Variants in ZNF219 observed in about 807,000 individuals in gnomAD.
ZNF219 encodes the protein zinc finger protein 219.
ZNF219 carries 17 observed loss-of-function variants against 54.4 expected under a neutral mutation model. That is an observed-to-expected ratio of 0.31 (90% CI 0.21 to 0.47). The LOEUF (loss-of-function observed/expected upper bound fraction) is 0.47, where lower values mean the gene tolerates loss of function less well. Ranked by LOEUF, ZNF219 falls within the 20% of genes least tolerant of loss-of-function variation. The pLI, the probability that ZNF219 is intolerant of heterozygous loss-of-function variation, is 1.00. For missense variants in ZNF219, 1,014 were observed against 1,062.3 expected (o/e 0.95, Z 0.63); for synonymous variants, 518 against 476.4 (o/e 1.09, Z -1.14).
At chr14:21,093,805 C>G (rs1889120834) in intron 1 of ZNF219, 131 bp from the exon 2 acceptor site, 1 of 783,502 alleles carries the variant, frequency 1.3e-6, no homozygotes. Flanking sequence ...CTTCTTGAGG[C>G]ACGAAGGGGC....
chr14:21,090,583 C>T lies in ZNF219; in HGVS notation c.2122G>A (p.Gly708Arg), dbSNP rs927564203. The part of the protein sequence containing the change: ...SPSQEGEEGS[G>R]LSRPGEAGLG... Reference sequence around the variant, plus strand: ...CCTGCCTCTCCGGGTCTGGACAGCCCGGAGCCCTCCTCCCCTTCCTGCGAA... The same window carrying T: ...CCTGCCTCTCCGGGTCTGGACAGCCTGGAGCCCTCCTCCCCTTCCTGCGAA... Residue 708 changes from glycine (G) to arginine (R), a missense_variant, in exon 5 of 5, where the codon GGG becomes AGG. Gly to Arg is a moderately radical substitution (Grantham distance 125, BLOSUM62 -2). Around this residue, in one of 5 missense-constraint regions of ZNF219, gnomAD observed 281 missense variants for 271.2 expected, o/e 1.04. Transcript: ENST00000360947. This position sits in a 1 kb window ranked among gnomAD's most constrained non-coding sequence, Gnocchi z 4.4. 1.9e-6 allele frequency: 3 copies of T among 1,609,000 alleles called. No homozygotes were observed. Among genetic ancestry groups the T allele is most frequent in the Non-Finnish European group, 1.7e-6 (2 of 1,177,394 alleles).
upstream of ZNF219, chr14:21,102,597 C>T (rs761579634): frequency 1.7e-5 from 27 of 1,550,748 alleles, no homozygotes; most frequent in Middle Eastern, 1.7e-4. Flanking sequence ...CAAACAGGTG[C>T]GGGGTCCCTG....
At position 21,098,583 on chromosome 14, in the gene ZNF219, G is replaced by C; in HGVS notation, c.-355C>G. ...GCGCGGGAGCCGGGCTCTGGCTCCG[G>C]GGACAGGGAGCTGGGGACCCCGGGA... On this transcript the variant is annotated 5_prime_UTR_variant, in exon 1 of 5. Coordinates refer to ENST00000360947, the MANE Select transcript of ZNF219 (RefSeq NM_016423.3). The C allele has an allele frequency of 1.0e-6, 1 of 997,116 alleles. No individual in the cohort carries two copies. The highest frequency in any genetic ancestry group is 1.7e-5 in the African/African-American group (1 of 57,270). The allele number at this position is 997,116 out of a possible 1,614,324, so 61.8% of individuals were successfully genotyped here.
Position 21,090,951 on chromosome 14 carries a change from G to T in ZNF219, c.1754C>A (p.Ala585Glu). 1 of 1,548,854 alleles carries T rather than the reference G, an allele frequency of 6.5e-7. No homozygotes were observed. The highest frequency in any genetic ancestry group is 1.4e-5 in the African/African-American group (1 of 73,616). Residue 585 changes from alanine (A) to glutamate (E), a missense_variant, in exon 5 of 5, where the codon GCG becomes GAG. Transcript: ENST00000360947. The surrounding 1 kb of genome is among the most constrained non-coding windows in gnomAD (Gnocchi z 4.4). The part of the protein sequence containing the change: ...QSGAKPSPQP[A>E]TWVEGASSPR... ...ACTTGAGGCGCCCTCCACCCAGGTC[G>T]CAGGCTGCGGAGACGGCTTGGCTCC...
In ZNF219 at chr14:21,090,150, G is replaced by C. The variant is rs1404578207; in HGVS notation, c.*386C>G. Reference sequence around the variant, plus strand: ...GATGACAGGAATCGTACCAAAAATAGCGACGTCTACAGGGCCCCTGATGGG... The same window carrying C: ...GATGACAGGAATCGTACCAAAAATACCGACGTCTACAGGGCCCCTGATGGG... On this transcript the variant is annotated 3_prime_UTR_variant, in exon 5 of 5. Coordinates refer to ENST00000360947, the MANE Select transcript of ZNF219 (RefSeq NM_016423.3). The surrounding 1 kb of genome is among the most constrained non-coding windows in gnomAD (Gnocchi z 4.4). The C allele has an allele frequency of 2.1e-6, 1 of 474,736 alleles. No homozygotes were observed. The highest frequency in any genetic ancestry group is 2.0e-5 in the African/African-American group (1 of 50,532). 29.4% of individuals were successfully genotyped at this position (474,736 alleles called of 1,614,324 possible).
At chr14:21,093,446 GGGGGA>G in intron 2 of ZNF219, 135 bp downstream of exon 2, 1 of 1,417,664 alleles carries the variant, frequency 7.1e-7, no homozygotes, top group Non-Finnish European at 9.7e-7. Flanking sequence ...AGATGGGGTG[GGGGGA>G]GGTGTATGGG....
chr14:21,102,676 C>T (rs1443535625), upstream of ZNF219: 2 of 1,551,584 alleles, frequency 1.3e-6, no homozygotes, highest in South Asian at 2.4e-5. Context: ...GAGGCCTTCA[C>T]CCTAGGGGGA....
upstream of ZNF219, chr14:21,101,493 T>C: frequency 6.7e-7 from 1 of 1,500,578 alleles, no homozygotes; most frequent in East Asian, 2.5e-5. Flanking sequence ...GCATGTCCAC[T>C]TCTACCCAAT....
intron 1 of ZNF219, among the ~76,000 whole-genome samples, chr14:21,098,038 TC>T (rs1176458315): frequency 5.7e-5 from 8 of 139,750 alleles, no homozygotes; most frequent in African/African-American, 1.8e-4. Context: ...CCCTTTGGTG[TC>T]TGCTCCCCCA....
upstream of ZNF219, chr14:21,098,738 T>C: frequency 8.2e-7 from 1 of 1,217,204 alleles, no homozygotes; most frequent in Non-Finnish European, 1.1e-6. Flanking sequence ...CTGGAAGAGA[T>C]TTTGAAAGGT....
Position 21,093,169 on chromosome 14 carries a change from C to A in ZNF219, c.128G>T (p.Gly43Val). 1 of 1,609,898 alleles carries A rather than the reference C, an allele frequency of 6.2e-7. No individual in the cohort carries two copies. The highest frequency in any genetic ancestry group is 1.1e-5 in the South Asian group (1 of 90,926). Residue 43 changes from glycine (G) to valine (V), a missense_variant, in exon 3 of 5, where the codon GGA becomes GTA. Physicochemically the swap from Gly to Val is moderately radical, Grantham distance 109. Coordinates refer to ENST00000360947, the MANE Select transcript of ZNF219 (RefSeq NM_016423.3). ...PAVSAGSLGM[G>V]AVSWSESRAG... ...ACGACTCTCAGACCAGCTCACCGCT[C>A]CCATCCCGAGCGACCCTGCGCTCAC... is the stretch of plus-strand genomic sequence containing the variant.
chr14:21,091,835 G>A lies in ZNF219; in HGVS notation c.1432+30C>T, dbSNP rs548889769. The A allele has an allele frequency of 5.2e-5, 77 of 1,492,022 alleles. No individual in the cohort carries two copies. The East Asian group carries it at 9.7e-4, about 19-fold the overall frequency. 92.4% of individuals were successfully genotyped at this position (1,492,022 alleles called of 1,614,324 possible). A position where few individuals can be genotyped will look rare whatever the true frequency, so the allele number is the denominator to read the frequency against. On this transcript the variant is annotated intron_variant, in intron 3 of 4. Transcript: ENST00000360947. The stretch of plus-strand genomic sequence containing the variant: ...CGTAAGAGTCAGAGGAGGACGCGGC[G>A]TACCCGGAGAGCGGAGGGTACCTAC...
At chr14:21,102,447 G>C, upstream of ZNF219, 1 of 1,551,720 alleles carries the variant, frequency 6.4e-7, no homozygotes, top group Non-Finnish European at 8.7e-7. Flanking sequence ...CTTGATCTTG[G>C]GTTTCATAGT....
In ZNF219 at chr14:21,090,413, G is replaced by C; in HGVS notation, c.*123C>G. On this transcript the variant is annotated 3_prime_UTR_variant, in exon 5 of 5. Coordinates refer to ENST00000360947, the MANE Select transcript of ZNF219 (RefSeq NM_016423.3). This position sits in a 1 kb window ranked among gnomAD's most constrained non-coding sequence, Gnocchi z 4.4. ...ACGCCCGCCGCGCCTTCCACCTCTG[G>C]TCCGCCTGGGGCTGGGATATGGGTC... 7.4e-7 allele frequency: 1 copy of C among 1,354,786 alleles called. No individual in the cohort carries two copies. Among genetic ancestry groups the C allele is most frequent in the Non-Finnish European group, 9.9e-7 (1 of 1,005,068 alleles). The allele number at this position is 1,354,786 out of a possible 1,614,324, so 83.9% of individuals were successfully genotyped here. A position where few individuals can be genotyped will look rare whatever the true frequency, so the allele number is the denominator to read the frequency against.
chr14:21,093,722 G>A (rs1481769837), intron 1 of ZNF219, 48 bp from the exon 2 acceptor site: 2 of 1,548,726 alleles, frequency 1.3e-6, no homozygotes, highest in Non-Finnish European at 8.9e-7. Flanking sequence ...CTAGTTTTCA[G>A]CAGTAAAGTC....
At chr14:21,091,277 G>A in intron 4 of ZNF219, 134 bp downstream of exon 4, 1 of 1,507,040 alleles carries the variant, frequency 6.6e-7, no homozygotes, top group East Asian at 2.3e-5. Flanking sequence ...ATTTAATAAA[G>A]GAGCGTTTCC....
intron 1 of ZNF219, among the ~76,000 whole-genome samples, chr14:21,096,369 C>T (rs943585890): frequency 1.3e-5 from 2 of 152,172 alleles, no homozygotes; most frequent in African/African-American, 4.8e-5. Context: ...ACTGAGATAC[C>T]TTCTTAGGCC....
At chr14:21,097,839 G>A (rs983325258) in intron 1 of ZNF219, among the ~76,000 whole-genome samples, 1 of 70,124 alleles carries the variant, frequency 1.4e-5, no homozygotes, top group African/African-American at 5.6e-5. Context: ...CCGCCACCCC[G>A]TGCTTCCAGA....
chr14:21,093,883 T>G, intron 1 of ZNF219: 1 of 537,066 alleles, frequency 1.9e-6, no homozygotes, highest in African/African-American at 1.9e-5. Context: ...TCCAGATTTC[T>G]TCCCCAAATT....
Sources: allele counts gnomAD v4.1 joint callset (sites outside exome capture counted in the v4.1 genomes callset), GRCh38; gene constraint gnomAD v4.1.1; regional missense constraint gnomAD v4.1.1; non-coding constraint Gnocchi (gnomAD v3.1); transcripts MANE v1.5; gene names NCBI Gene and HGNC (gene_info 2026-07-23, HGNC 2026-07-21).